Variants in SBF2 observed in about 807,000 individuals in gnomAD.
SBF2 encodes SET binding factor 2.
SBF2 carries 112 observed loss-of-function variants against 225.2 expected under a neutral mutation model. The ratio of observed to expected loss-of-function variants is 0.50; its 90% CI spans 0.43 to 0.58. The LOEUF is 0.58. SBF2 is among the 20% of genes least tolerant of loss of function. The probability of loss-of-function intolerance (pLI) is 0.00; values close to 1 mark genes in which losing one functional copy is unlikely to be tolerated. For missense variants in SBF2, 1,996 were observed against 2,206.2 expected (o/e 0.90, Z 1.91); for synonymous variants, 763 against 773.3 (o/e 0.99, Z 0.22).
intron 2 of SBF2, among the ~76,000 whole-genome samples, chr11:10,147,165 C>T (rs1423685627): frequency 2.0e-5 from 3 of 151,984 alleles, no homozygotes; most frequent in African/African-American, 7.3e-5. Flanking sequence ...TGTGGAAATT[C>T]CTCAAAGAGC....
chr11:10,294,292 G>A (rs1369936820), upstream of SBF2: 15 of 360,162 alleles, frequency 4.2e-5, no homozygotes, highest in Non-Finnish European at 7.4e-5. Context: ...CCAAGCCCGG[G>A]CGGCGAGCCC....
intron 25 of SBF2, among the ~76,000 whole-genome samples, chr11:9,841,831 G>A (rs1440936664): frequency 9.2e-5 from 14 of 152,188 alleles, no homozygotes; most frequent in Admixed American, 9.2e-4. Context: ...ACTGCGCCTG[G>A]CCCACATAGG....
chr11:10,295,914 C>T (rs987324372), upstream of SBF2, among the ~76,000 whole-genome samples: 1 of 152,114 alleles, frequency 6.6e-6, no homozygotes, highest in East Asian at 1.9e-4. Context: ...TAAAATTAGC[C>T]ACTTGAAAAT....
intron 28 of SBF2, among the ~76,000 whole-genome samples, chr11:9,824,621 C>G (rs1854965996): frequency 2.0e-5 from 3 of 150,864 alleles, no homozygotes. Context: ...ACCTTGAGTA[C>G]CAACATAATA....
chr11:10,108,304 T>C lies in SBF2; in HGVS notation c.142-65323A>G, dbSNP rs536256505. On this transcript the variant is annotated intron_variant, in intron 2 of 39. Transcript: ENST00000256190. ...GGGAAGACAGGTAAATCAGACAGTT[T>C]ACAATTAGTTCCCTGAGCATTGTCT... 1.1e-4 allele frequency among the ~76,000 whole-genome samples: 16 copies of C among 152,238 alleles called. No homozygotes were observed. In the South Asian group the frequency reaches 3.3e-3, roughly 32 times the overall value.
intron 2 of SBF2, among the ~76,000 whole-genome samples, chr11:10,188,931 G>T (rs1344452478): frequency 6.6e-6 from 1 of 152,072 alleles, no homozygotes; most frequent in Non-Finnish European, 1.5e-5. Flanking sequence ...TTCATACTTC[G>T]TAGCAGTTTT....
intron 2 of SBF2, among the ~76,000 whole-genome samples, chr11:10,105,976 CT>C (rs1305607765): frequency 2.0e-4 from 30 of 151,980 alleles, no homozygotes; most frequent in African/African-American, 7.3e-4. Flanking sequence ...TCAAAAGTGA[CT>C]TCATAGGTGT....
chr11:10,104,663 G>A (rs1952472612), intron 2 of SBF2, among the ~76,000 whole-genome samples: 1 of 152,166 alleles, frequency 6.6e-6, no homozygotes, highest in Non-Finnish European at 1.5e-5. Context: ...ACAGTCTCCA[G>A]AGTTCCAAAA....
chr11:10,239,767 C>T (rs1412515009), intron 1 of SBF2, among the ~76,000 whole-genome samples: 1 of 152,028 alleles, frequency 6.6e-6, no homozygotes, highest in African/African-American at 2.4e-5. Context: ...CTATATAAAC[C>T]TAATGGTAAA....
chr11:10,245,057 C>T (rs1959635271), intron 1 of SBF2, among the ~76,000 whole-genome samples: 1 of 148,350 alleles, frequency 6.7e-6, no homozygotes, highest in South Asian at 2.1e-4. Flanking sequence ...TTGCTTACAA[C>T]CAGGAGGTCA....
At chr11:10,133,832 G>A (rs1056692173) in intron 2 of SBF2, among the ~76,000 whole-genome samples, 4 of 152,346 alleles carry the variant, frequency 2.6e-5, no homozygotes, top group Middle Eastern at 3.4e-3. Flanking sequence ...GAGAGCAAGC[G>A]AGGGCTCTGA....
intron 2 of SBF2, among the ~76,000 whole-genome samples, chr11:10,070,351 G>A (rs1034180927): frequency 2.0e-5 from 3 of 152,128 alleles, no homozygotes; most frequent in African/African-American, 4.8e-5. Flanking sequence ...TGTAAGGAAG[G>A]GATCCAGTTT....
intron 30 of SBF2, chr11:9,810,250 T>G (rs535154253): frequency 6.6e-6 from 1 of 152,354 alleles, no homozygotes; most frequent in African/African-American, 2.4e-5. Context: ...CACTCTAGCC[T>G]GGGTGACAGA....
intron 2 of SBF2, among the ~76,000 whole-genome samples, chr11:10,167,602 G>A (rs1422659804): frequency 6.6e-6 from 1 of 152,036 alleles, no homozygotes; most frequent in Non-Finnish European, 1.5e-5. Context: ...ATAAAATCTA[G>A]TTGCAATTTG....
chr11:9,932,439 G>A (rs996448787), intron 16 of SBF2, among the ~76,000 whole-genome samples: 4 of 152,198 alleles, frequency 2.6e-5, no homozygotes, highest in Non-Finnish European at 5.9e-5. Context: ...TCTCTCGGCA[G>A]AAACCCTACA....
intron 16 of SBF2, among the ~76,000 whole-genome samples, chr11:9,937,024 A>G (rs979325990): frequency 6.6e-6 from 1 of 152,182 alleles, no homozygotes; most frequent in Non-Finnish European, 1.5e-5. Context: ...CAAATTTCTA[A>G]CACATGAATT....
At chr11:10,067,755 C>A (rs1950684993) in intron 2 of SBF2, among the ~76,000 whole-genome samples, 1 of 151,846 alleles carries the variant, frequency 6.6e-6, no homozygotes, top group Non-Finnish European at 1.5e-5. Context: ...AACCAAAAAA[C>A]AAAAACTTAG....
At chr11:9,965,067 C>A (rs1029931517) in intron 14 of SBF2, among the ~76,000 whole-genome samples, 1 of 152,058 alleles carries the variant, frequency 6.6e-6, no homozygotes, top group Non-Finnish European at 1.5e-5. Context: ...TTATTCCACA[C>A]TTGATGTCCA....
chr11:9,975,893 G>A (rs1395159071), intron 13 of SBF2, among the ~76,000 whole-genome samples: 3 of 151,296 alleles, frequency 2.0e-5, no homozygotes, highest in Non-Finnish European at 4.4e-5. Context: ...AAATTAACCT[G>A]GTAGTGAAAT....
Sources: gnomAD v4.1 joint callset for allele counts (sites outside exome capture counted in the v4.1 genomes callset) on GRCh38, gnomAD v4.1.1 for gene constraint, MANE v1.5 for transcripts, NCBI Gene and HGNC (gene_info 2026-07-23, HGNC 2026-07-21) for gene names.